The following RERE variants were observed in gnomAD, a reference collection of about 807,000 sequenced individuals.
RERE encodes arginine-glutamic acid dipeptide repeats protein.
A neutral mutation model predicts 146.1 loss-of-function variants in RERE; 40 were observed. The observed-to-expected ratio is 0.27, with a 90% CI of 0.21 to 0.36. The LOEUF is 0.36. RERE is among the 10% of genes least tolerant of loss of function. The pLI, the probability that RERE is intolerant of heterozygous loss-of-function variation, is 1.00. For missense variants in RERE, 1,933 were observed against 2,138.7 expected, an observed-to-expected ratio of 0.90 and a Z score of 1.90; for synonymous variants, 1,003 against 866.0, an observed-to-expected ratio of 1.16 and a Z score of -2.78.
chr1:8,703,058 C>A, intron 1 of RERE: 1 of 152,084 alleles, frequency 6.6e-6, no homozygotes, highest in East Asian at 1.9e-4. Context: ...CACTTGCCTG[C>A]GGCCCGCTGG....
chr1:8,602,523 A>G (rs201076411), intron 4 of RERE, among the ~76,000 whole-genome samples: 6 of 6,096 alleles, frequency 9.8e-4, no homozygotes, highest in African/African-American at 4.1e-3. Flanking sequence ...GGAAAAAAAA[A>G]GAAAAAAAAA....
chr1:8,426,595 A>C (rs1195338088), intron 11 of RERE, among the ~76,000 whole-genome samples: 2 of 152,176 alleles, frequency 1.3e-5, no homozygotes, highest in African/African-American at 4.8e-5. Context: ...GCCTCTGCCA[A>C]GGAATTTTTC....
chr1:8,530,733 G>A (rs1177422411), intron 7 of RERE, among the ~76,000 whole-genome samples: 5 of 129,456 alleles, frequency 3.9e-5, no homozygotes, highest in Non-Finnish European at 6.2e-5. Flanking sequence ...CGCCCAGGCC[G>A]GACTGCGGAC....
At chr1:8,358,125 GTGAC>G in intron 20 of RERE, 67 bp downstream of exon 20, 1 of 1,523,242 alleles carries the variant, frequency 6.6e-7, no homozygotes, top group Non-Finnish European at 8.8e-7. Context: ...CTCCTGGATG[GTGAC>G]TGTCACTCAT....
At chr1:8,558,107 T>C (rs1214199490) in intron 4 of RERE, among the ~76,000 whole-genome samples, 1 of 152,228 alleles carries the variant, frequency 6.6e-6, no homozygotes, top group East Asian at 1.9e-4. Flanking sequence ...GAAGGTACTA[T>C]GAGTCCAGAG....
rs867348121 is a variant in RERE at position 8,502,752 on chromosome 1, C to T, written c.880-5223G>A. On this transcript the variant is annotated intron_variant, in intron 8 of 22. Transcript: ENST00000400908. ...ATTTTGTTCTGTACTAAGAAAAATT[C>T]TTCTGCCTTGGGATCCTGTTGATCT... 6.9e-4 allele frequency among the ~76,000 whole-genome samples: 102 copies of T among 148,698 alleles called. 1 individual carries two copies. The highest frequency in any genetic ancestry group is 6.3e-4 in the African/African-American group (25 of 39,942).
At chr1:8,553,300 C>T (rs943180744) in intron 6 of RERE, among the ~76,000 whole-genome samples, 3 of 151,570 alleles carry the variant, frequency 2.0e-5, no homozygotes, top group Non-Finnish European at 4.4e-5. Flanking sequence ...CACTACACTA[C>T]TAGGCCGGCA....
chr1:8,774,748 T>C (rs1300482899), intron 1 of RERE, among the ~76,000 whole-genome samples: 1 of 152,010 alleles, frequency 6.6e-6, no homozygotes, highest in Non-Finnish European at 1.5e-5. Context: ...TTATACAGAA[T>C]AAAACCATGT....
chr1:8,782,544 T>C (rs1002886536), intron 1 of RERE, among the ~76,000 whole-genome samples: 2 of 152,096 alleles, frequency 1.3e-5, no homozygotes, highest in Admixed American at 1.3e-4. Context: ...TCTTACACCA[T>C]CTTAAAACTG....
chr1:8,600,876 T>C lies in RERE; in HGVS notation c.522+13685A>G, dbSNP rs1471790993. ...TTCACACCATTCTCCTGCCTCAGCC[T>C]CCCGAGTAGCTGGGACTACAGGTGC... On this transcript the variant is annotated intron_variant, in intron 4 of 22. Transcript: ENST00000400908. 2.7e-5 allele frequency among the ~76,000 whole-genome samples: 4 copies of C among 150,940 alleles called. 1 individual carries two copies. In the East Asian group the frequency reaches 7.8e-4, roughly 29 times the overall value.
chr1:8,392,737 GC>G (rs1642925733), intron 12 of RERE, among the ~76,000 whole-genome samples: 1 of 152,198 alleles, frequency 6.6e-6, no homozygotes, highest in South Asian at 2.1e-4. Context: ...AACATCTGCT[GC>G]AAGGTTGTGC....
intron 1 of RERE, among the ~76,000 whole-genome samples, chr1:8,752,925 T>C (rs952225159): frequency 5.9e-5 from 9 of 152,194 alleles, no homozygotes; most frequent in Non-Finnish European, 1.2e-4. Context: ...TGTATTGTTT[T>C]AAAACAATAA....
At chr1:8,738,286 T>C (rs893859407) in intron 1 of RERE, among the ~76,000 whole-genome samples, 6 of 152,112 alleles carry the variant, frequency 3.9e-5, no homozygotes, top group Non-Finnish European at 5.9e-5. Flanking sequence ...TGTTGTTCTT[T>C]TTTTTTATTT....
intron 7 of RERE, among the ~76,000 whole-genome samples, chr1:8,516,627 A>AC (rs1264204514): frequency 6.6e-6 from 1 of 152,164 alleles, no homozygotes; most frequent in Non-Finnish European, 1.5e-5. Context: ...CAGGAATCCT[A>AC]CTCAAGGTCA....
At chr1:8,656,562 G>A in intron 1 of RERE, 121 bp from the exon 2 acceptor site, 1 of 402,238 alleles carries the variant, frequency 2.5e-6, no homozygotes. Context: ...ACAAGCCACA[G>A]GAGAAAAATT....
chr1:8,409,204 G>C (rs1643544136), intron 12 of RERE, among the ~76,000 whole-genome samples: 1 of 152,204 alleles, frequency 6.6e-6, no homozygotes, highest in African/African-American at 2.4e-5. Context: ...CGTTTGAGAA[G>C]AGGAATGGCC....
chr1:8,638,783 ATTTTTTTT>A (rs34276909), intron 2 of RERE, among the ~76,000 whole-genome samples: 1 of 100,348 alleles, frequency 1.0e-5, no homozygotes, highest in African/African-American at 4.2e-5. Context: ...ACGAAAAAAA[ATTTTTTTT>A]TTTTTTTTTT....
chr1:8,360,213 C>A lies in RERE; in HGVS notation c.3294G>T (p.Leu1098=). ...LPTVQIKEEA[L]DDAEEPESPP... ...GGCTCTCAGGCTCCTCAGCGTCGTC[C>A]AGAGCCTCCTCCTTGATCTGGACGG... is the stretch of plus-strand genomic sequence containing the variant. Residue 1098 remains leucine, a synonymous_variant, in exon 18 of 23, where the codon CTG becomes CTT. Transcript: ENST00000400908. 1 of 1,591,514 alleles carries A rather than the reference C, an allele frequency of 6.3e-7. No homozygotes were observed. The highest frequency in any genetic ancestry group is 8.5e-7 in the Non-Finnish European group (1 of 1,170,024).
chr1:8,404,957 T>C (rs1643397157), intron 12 of RERE, among the ~76,000 whole-genome samples: 1 of 152,194 alleles, frequency 6.6e-6, no homozygotes, highest in African/African-American at 2.4e-5. Context: ...CTGGTCCCTG[T>C]GCCACTTCTC....
Sources: allele counts gnomAD v4.1 joint callset (sites outside exome capture counted in the v4.1 genomes callset), GRCh38; gene constraint gnomAD v4.1.1; transcripts MANE v1.5; gene names NCBI Gene and HGNC (gene_info 2026-07-23, HGNC 2026-07-21).